The following HHAT variants were observed in gnomAD, a reference collection of about 807,000 sequenced individuals.
The protein encoded by HHAT is hedgehog acyltransferase, also known as protein-cysteine N-palmitoyltransferase HHAT.
In HHAT, 47 loss-of-function variants were observed where a neutral mutation model predicts 70.8. The observed-to-expected ratio is 0.66, with a 90% CI of 0.53 to 0.85. The LOEUF is 0.85. HHAT is among the 40% of genes least tolerant of loss of function. The pLI is 0.00. For synonymous variants in HHAT, 228 were observed against 247.6 expected (o/e 0.92, Z 0.74); for missense variants, 609 against 604.8 (o/e 1.01, Z -0.07).
chr1:210,539,618 A>G (rs1573148189), intron 9 of HHAT, among the ~76,000 whole-genome samples: 2 of 152,332 alleles, frequency 1.3e-5, no homozygotes, highest in Middle Eastern at 3.4e-3. Flanking sequence ...GACTCGAGGT[A>G]GAGAGTCACA....
At chr1:210,598,344 T>C (rs976283709) in intron 10 of HHAT, among the ~76,000 whole-genome samples, 6 of 152,056 alleles carry the variant, frequency 3.9e-5, no homozygotes, top group African/African-American at 1.4e-4. Flanking sequence ...GGCTGGTGAC[T>C]CACTAGGTCA....
At chr1:210,541,651 C>T (rs1030555554) in intron 9 of HHAT, among the ~76,000 whole-genome samples, 4 of 152,136 alleles carry the variant, frequency 2.6e-5, no homozygotes, top group Admixed American at 6.6e-5. Context: ...CACTTGAACC[C>T]GGGAGGCGGA....
intron 3 of HHAT, among the ~76,000 whole-genome samples, chr1:210,369,386 C>CT (rs936218454): frequency 6.6e-6 from 1 of 152,174 alleles, no homozygotes; most frequent in Non-Finnish European, 1.5e-5. Flanking sequence ...CAGACGGGAG[C>CT]TTGAATACGA....
intron 5 of HHAT, among the ~76,000 whole-genome samples, chr1:210,403,394 C>G (rs981039663): frequency 1.3e-5 from 2 of 152,166 alleles, no homozygotes; most frequent in Admixed American, 1.3e-4. Flanking sequence ...CAATTAGCAT[C>G]AGTTATAGAT....
intron 11 of HHAT, among the ~76,000 whole-genome samples, chr1:210,624,916 G>A (rs1008997048): frequency 3.9e-5 from 6 of 152,198 alleles, no homozygotes; most frequent in Admixed American, 6.5e-5. Flanking sequence ...ACTCTGCACA[G>A]CTGGCCCATT....
intron 8 of HHAT, among the ~76,000 whole-genome samples, chr1:210,496,104 T>A (rs1349378918): frequency 1.3e-5 from 2 of 150,896 alleles, no homozygotes; most frequent in Non-Finnish European, 3.0e-5. Flanking sequence ...TTTTTGAATC[T>A]TTTTAGTTAT....
intron 6 of HHAT, 104 bp from the exon 7 acceptor site, chr1:210,418,050 T>C (rs2092776380): frequency 9.3e-7 from 1 of 1,073,496 alleles, no homozygotes; most frequent in African/African-American, 1.6e-5. Context: ...CTCTGTCAGC[T>C]GGCATAGCAA....
chr1:210,344,403 T>C (rs1049606777), intron 1 of HHAT, among the ~76,000 whole-genome samples: 9 of 152,122 alleles, frequency 5.9e-5, no homozygotes, highest in Non-Finnish European at 1.0e-4. Flanking sequence ...TCTGGGTACT[T>C]GGTTTCCTCC....
intron 1 of HHAT, among the ~76,000 whole-genome samples, chr1:210,332,464 T>C (rs1328149477): frequency 1.3e-5 from 2 of 152,244 alleles, no homozygotes; most frequent in East Asian, 1.9e-4. Flanking sequence ...TAATCCTCTC[T>C]ACCAATTGTG....
chr1:210,360,687 A>G (rs2088193487), intron 2 of HHAT, among the ~76,000 whole-genome samples: 1 of 152,156 alleles, frequency 6.6e-6, no homozygotes, highest in South Asian at 2.1e-4. Context: ...AGCATTTGAA[A>G]TGTGGCCAGG....
At chr1:210,420,511 T>C (rs1035122933) in intron 7 of HHAT, among the ~76,000 whole-genome samples, 1 of 152,156 alleles carries the variant, frequency 6.6e-6, no homozygotes, top group Non-Finnish European at 1.5e-5. Context: ...TCAAACTCTT[T>C]GGCACATTAC....
intron 11 of HHAT, among the ~76,000 whole-genome samples, chr1:210,650,242 T>A (rs994819433): frequency 3.3e-5 from 5 of 152,210 alleles, no homozygotes; most frequent in Non-Finnish European, 7.3e-5. Flanking sequence ...TAGGGATTGA[T>A]AATCCTGGTT....
chr1:210,533,937 A>C (rs2095342654), intron 9 of HHAT, among the ~76,000 whole-genome samples: 1 of 152,186 alleles, frequency 6.6e-6, no homozygotes, highest in Non-Finnish European at 1.5e-5. Flanking sequence ...CGGCTTGGTG[A>C]TGCAGAATAC....
At chr1:210,661,990 A>AAAG (rs144069581) in intron 11 of HHAT, among the ~76,000 whole-genome samples, 9,853 of 152,314 alleles carry the variant, frequency 0.065, 426 homozygotes, top group African/African-American at 0.12. Flanking sequence ...TAATTTAAAA[A>AAAG]AATTTAAAAA....
chr1:210,628,437 C>T (rs1670246360), intron 11 of HHAT, among the ~76,000 whole-genome samples: 1 of 152,150 alleles, frequency 6.6e-6, no homozygotes, highest in Non-Finnish European at 1.5e-5. Flanking sequence ...ATGTGGCATC[C>T]ACCAAACATT....
chr1:210,384,433 T>C (rs1037072530), intron 3 of HHAT, among the ~76,000 whole-genome samples: 1 of 152,166 alleles, frequency 6.6e-6, no homozygotes, highest in Non-Finnish European at 1.5e-5. Flanking sequence ...TAATCAGTCA[T>C]GTAGATTGGT....
At chr1:210,331,935 T>C (rs1445027830) in intron 1 of HHAT, among the ~76,000 whole-genome samples, 2 of 152,216 alleles carry the variant, frequency 1.3e-5, no homozygotes, top group Non-Finnish European at 2.9e-5. Context: ...TAACTCAAAC[T>C]CCGGCCAGTG....
At chr1:210,602,765 C>T (rs1035737080) in intron 10 of HHAT, among the ~76,000 whole-genome samples, 1 of 152,102 alleles carries the variant, frequency 6.6e-6, no homozygotes, top group Admixed American at 6.5e-5. Flanking sequence ...CGGTGTGTTC[C>T]TTGGTGGATT....
chr1:210,585,701 G>T (rs1660287146), intron 9 of HHAT, among the ~76,000 whole-genome samples: 1 of 152,190 alleles, frequency 6.6e-6, no homozygotes, highest in Non-Finnish European at 1.5e-5. Flanking sequence ...TTACAGGCAA[G>T]AGCCACTGCA....
Sources: allele counts gnomAD v4.1 joint callset (sites outside exome capture counted in the v4.1 genomes callset), GRCh38; gene constraint gnomAD v4.1.1; transcripts MANE v1.5; gene names NCBI Gene and HGNC (gene_info 2026-07-23, HGNC 2026-07-21).